Variants in NDUFA10 observed in about 807,000 individuals in gnomAD.
NDUFA10 encodes NADH dehydrogenase [ubiquinone] 1 alpha subcomplex subunit 10, mitochondrial.
In NDUFA10, 40 loss-of-function variants were observed where a neutral mutation model predicts 47.8. That is an observed-to-expected ratio of 0.84 (90% CI 0.65 to 1.09). The LOEUF is 1.09. Ranked by LOEUF, NDUFA10 falls within the 50% of genes least tolerant of loss-of-function variation. The pLI is 0.00. For missense variants in NDUFA10, 413 were observed against 451.1 expected, an observed-to-expected ratio of 0.92 and a Z score of 0.76; for synonymous variants, 183 against 172.2, an observed-to-expected ratio of 1.06 and a Z score of -0.49.
intron 6 of NDUFA10, among the ~76,000 whole-genome samples, chr2:240,007,591 C>T (rs1696993916): frequency 6.6e-6 from 1 of 152,224 alleles, no homozygotes; most frequent in South Asian, 2.1e-4. Flanking sequence ...ACAGTGACAA[C>T]AGCAGGACCA....
intron 4 of NDUFA10, among the ~76,000 whole-genome samples, chr2:240,017,575 T>C (rs1185066404): frequency 6.6e-6 from 1 of 152,074 alleles, no homozygotes; most frequent in Non-Finnish European, 1.5e-5. Context: ...GTGGGAGCCT[T>C]GTCTTAAGTT....
At chr2:239,997,698 G>A (rs1696538142) in intron 8 of NDUFA10, among the ~76,000 whole-genome samples, 1 of 152,222 alleles carries the variant, frequency 6.6e-6, no homozygotes, top group Non-Finnish European at 1.5e-5. Context: ...CTATTTTAAA[G>A]AAACAGTAAA....
chr2:239,902,701 T>C (rs1471721985), intron 4 of NDUFA10, among the ~76,000 whole-genome samples: 1 of 152,196 alleles, frequency 6.6e-6, no homozygotes, highest in Non-Finnish European at 1.5e-5. Flanking sequence ...CCTCGTTCTG[T>C]GCATGCCTGG....
chr2:240,017,304 G>A (rs1697395757), intron 4 of NDUFA10, among the ~76,000 whole-genome samples: 2 of 152,044 alleles, frequency 1.3e-5, no homozygotes, highest in Admixed American at 1.3e-4. Context: ...CCAGCACCCA[G>A]CCCTCACTAT....
chr2:239,897,239 G>A (rs1693415662), intron 4 of NDUFA10, among the ~76,000 whole-genome samples: 1 of 152,178 alleles, frequency 6.6e-6, no homozygotes, highest in African/African-American at 2.4e-5. Flanking sequence ...TCTTGAAGAT[G>A]TAACTCTATA....
intron 4 of NDUFA10, chr2:240,017,870 A>C: frequency 6.4e-7 from 1 of 1,572,126 alleles, no homozygotes; most frequent in Non-Finnish European, 8.6e-7. Flanking sequence ...CTGAGCTCCC[A>C]GATTCCAGCT....
rs962329639 is a variant in NDUFA10, at chr2:240,005,441, T to G, written c.805-146A>C. 95 of 691,590 alleles carry G rather than the reference T, an allele frequency of 1.4e-4. 2 individuals are homozygous for G. The highest frequency in any genetic ancestry group is 1.2e-3 in the South Asian group (81 of 66,756). The allele number at this position is 691,590 out of a possible 1,614,324, so 42.8% of individuals were successfully genotyped here. ...ACAGCACACTGCAGCCTTGGCCTGC[T>G]GGGCTCAAGCAATCCTCCCACCTCA... On this transcript the variant is annotated intron_variant, in intron 7 of 9. Coordinates refer to ENST00000252711, the MANE Select transcript of NDUFA10 (RefSeq NM_004544.4).
rs189995008 is a variant in NDUFA10 at position 240,007,487 on chromosome 2, C to T, written c.750-117G>A. The T allele has an allele frequency of 2.1e-5, 16 of 759,602 alleles. No homozygotes were observed. The African/African-American group carries it at 2.6e-4, about 12-fold the overall frequency. The allele number at this position is 759,602 out of a possible 1,614,324, so 47.1% of individuals were successfully genotyped here. ...CAAATTTAAAACCTCACATTCTCTG[C>T]ACTGGGCATTGTGCTGGGCATGTGA... On this transcript the variant is annotated intron_variant, in intron 6 of 9. Coordinates refer to ENST00000252711, the MANE Select transcript of NDUFA10 (RefSeq NM_004544.4).
At chr2:239,907,931 TAA>T (rs1179563289) in intron 4 of NDUFA10, among the ~76,000 whole-genome samples, 2 of 152,174 alleles carry the variant, frequency 1.3e-5, no homozygotes, top group Non-Finnish European at 2.9e-5. Context: ...CGTGCTGCTA[TAA>T]AGACACATGC....
intron 4 of NDUFA10, among the ~76,000 whole-genome samples, chr2:239,924,559 A>C (rs1694039332): frequency 6.6e-6 from 1 of 152,098 alleles, no homozygotes; most frequent in Non-Finnish European, 1.5e-5. Context: ...AACTTCCTCA[A>C]CTCGATAAAG....
chr2:239,988,776 G>A (rs1696109755), intron 9 of NDUFA10, among the ~76,000 whole-genome samples: 1 of 152,190 alleles, frequency 6.6e-6, no homozygotes, highest in African/African-American at 2.4e-5. Context: ...CAGGGAAGCA[G>A]CAAATCCGCA....
downstream of NDUFA10, among the ~76,000 whole-genome samples, chr2:239,956,485 T>C (rs1314080574): frequency 2.6e-5 from 4 of 152,098 alleles, no homozygotes; most frequent in East Asian, 7.7e-4. Context: ...GTTCCCAGAT[T>C]TGGACAGAAG....
At chr2:240,001,409 A>G (rs1224454268) in intron 8 of NDUFA10, among the ~76,000 whole-genome samples, 1 of 152,224 alleles carries the variant, frequency 6.6e-6, no homozygotes, top group African/African-American at 2.4e-5. Flanking sequence ...TATGATATAT[A>G]CACATGGTTC....
intron 4 of NDUFA10, among the ~76,000 whole-genome samples, chr2:239,897,395 T>G (rs1482138937): frequency 6.6e-6 from 1 of 150,964 alleles, no homozygotes; most frequent in African/African-American, 2.4e-5. Context: ...TTTTAGATCA[T>G]ACTTTTTCTT....
intron 9 of NDUFA10, among the ~76,000 whole-genome samples, chr2:239,976,767 A>T (rs1359888284): frequency 6.6e-6 from 1 of 152,202 alleles, no homozygotes; most frequent in Non-Finnish European, 1.5e-5. Flanking sequence ...CGACTCCACC[A>T]TGCGGAGCCA....
At chr2:239,917,371 G>A (rs1693896230) in intron 4 of NDUFA10, among the ~76,000 whole-genome samples, 1 of 152,014 alleles carries the variant, frequency 6.6e-6, no homozygotes, top group Admixed American at 6.5e-5. Context: ...AACATAGGGA[G>A]AATAAAAACA....
At chr2:239,961,867 C>T (rs1370129586) in intron 9 of NDUFA10, among the ~76,000 whole-genome samples, 1 of 152,184 alleles carries the variant, frequency 6.6e-6, no homozygotes, top group Non-Finnish European at 1.5e-5. Flanking sequence ...CTGAGCTTGG[C>T]AGTGATGGAG....
At chr2:239,983,065 G>A (rs927765079) in intron 9 of NDUFA10, among the ~76,000 whole-genome samples, 4 of 152,280 alleles carry the variant, frequency 2.6e-5, no homozygotes, top group South Asian at 2.1e-4. Context: ...TTCAGTATTC[G>A]CTTCCTTGTC....
intron 4 of NDUFA10, among the ~76,000 whole-genome samples, chr2:239,913,845 T>G (rs1194901470): frequency 2.6e-5 from 4 of 152,250 alleles, no homozygotes; most frequent in Non-Finnish European, 4.4e-5. Flanking sequence ...TGTGTGCAGA[T>G]GCCAGAAAGG....
Sources: gnomAD v4.1 joint callset for allele counts (sites outside exome capture counted in the v4.1 genomes callset) on GRCh38, gnomAD v4.1.1 for gene constraint, MANE v1.5 for transcripts, NCBI Gene and HGNC (gene_info 2026-07-23, HGNC 2026-07-21) for gene names.